The following ZNF808 variants were observed in gnomAD, a reference collection of about 807,000 sequenced individuals.
The protein encoded by ZNF808 is zinc finger protein 808.
In ZNF808, 5 loss-of-function variants were observed where a neutral mutation model predicts 8.7. That is an observed-to-expected ratio of 0.58 (90% CI 0.30 to 1.21). ZNF808 has a LOEUF of 1.21. Among genes scored for constraint, ZNF808 ranks in the 50% most tolerant of loss-of-function variants. ZNF808 has a pLI of 0.07. For missense variants in ZNF808, 1,103 were observed against 1,098.4 expected (o/e 1.00, Z -0.06); for synonymous variants, 380 against 366.0 (o/e 1.04, Z -0.44).
chr19:52,530,077 T>G (rs1046868096), intron 1 of ZNF808, among the ~76,000 whole-genome samples: 3 of 151,826 alleles, frequency 2.0e-5, no homozygotes, highest in Admixed American at 2.0e-4. Context: ...CCCTTTTTTT[T>G]GAGAGGGAGT....
chr19:52,528,947 G>C (rs541219347), intron 1 of ZNF808, among the ~76,000 whole-genome samples: 43 of 151,360 alleles, frequency 2.8e-4, no homozygotes, highest in African/African-American at 1.0e-3. Flanking sequence ...GGGAAGAAGG[G>C]GGATAAACAG....
chr19:52,543,206 T>C (rs371164941), intron 2 of ZNF808, 60 bp from the exon 3 acceptor site: 1 of 1,556,900 alleles, frequency 6.4e-7, no homozygotes, highest in East Asian at 2.2e-5. Flanking sequence ...TCATGTGGTT[T>C]TGTCACAGGA....
rs753782748 is a variant in ZNF808, at chr19:52,555,223, C to T, written c.2307C>T (p.Gly769=). 4 of 1,613,692 alleles carry T rather than the reference C, an allele frequency of 2.5e-6. No individual in the cohort carries two copies. Among genetic ancestry groups the T allele is most frequent in the Non-Finnish European group, 3.4e-6 (4 of 1,179,976 alleles). Residue 769 remains glycine, a synonymous_variant, in exon 5 of 5, where the codon GGC becomes GGT. Transcript: ENST00000359798. ...AACCTTACAAGTGTAACGACTGTGG[C>T]AATACCTTCCGTCACTGGTCATCCC... ...GEKPYKCNDC[G]NTFRHWSSLV...
rs1273097843 is a variant in ZNF808, at chr19:52,553,488, C to T, written c.572C>T (p.Ser191Leu). The T allele has an allele frequency of 6.2e-7, 1 of 1,614,172 alleles. No homozygotes were observed. Among genetic ancestry groups the T allele is most frequent in the South Asian group, 1.1e-5 (1 of 91,080 alleles). The change falls in exon 5 of 5, where the codon TCA becomes TTA. Residue 191 changes from serine (S) to leucine (L), a missense_variant. Physicochemically the swap from Ser to Leu is moderately radical, Grantham distance 145. Coordinates refer to ENST00000359798, the MANE Select transcript of ZNF808 (RefSeq NM_001039886.4). ...TCTACCAGTGATGCTTCCTCAGTTT[C>T]AACATCCCAAAGAATTTCCTGTAGG... ...EKSTSDASSV[S>L]TSQRISCRPQ...
At chr19:52,566,968 T>TTTC, downstream of ZNF808, among the ~76,000 whole-genome samples, 1 of 151,862 alleles carries the variant, frequency 6.6e-6, no homozygotes, top group Non-Finnish European at 1.5e-5. Context: ...TTTTTTTTTT[T>TTTC]TTGATGGAGC....
At position 52,554,667 on chromosome 19, in the gene ZNF808, G is replaced by A. The variant is rs756778914; in HGVS notation, c.1751G>A (p.Arg584His). ...KAFNQQSHLS[R>H]HRRLHTGEKP... ...TTTAATCAACAATCACATCTTTCAC[G>A]TCATCGTAGACTTCATACTGGAGAG... Residue 584 changes from arginine (R) to histidine (H), a missense_variant, in exon 5 of 5, where the codon CGT becomes CAT. Coordinates refer to ENST00000359798, the MANE Select transcript of ZNF808 (RefSeq NM_001039886.4). 32 of 1,613,886 alleles carry A rather than the reference G, an allele frequency of 2.0e-5. No homozygotes were observed. The highest frequency in any genetic ancestry group is 2.6e-5 in the Non-Finnish European group (31 of 1,180,000).
chr19:52,564,857 C>T (rs1240320771), downstream of ZNF808, among the ~76,000 whole-genome samples: 10 of 151,994 alleles, frequency 6.6e-5, no homozygotes, highest in East Asian at 3.9e-4. Context: ...GAGGCCGAGG[C>T]GGGCGGATCA....
chr19:52,545,708 G>A (rs975862594), intron 3 of ZNF808, among the ~76,000 whole-genome samples: 2 of 151,964 alleles, frequency 1.3e-5, no homozygotes, highest in African/African-American at 4.8e-5. Context: ...AACCTGGGTG[G>A]CACAGGTTGC....
chr19:52,564,387 G>A, exon 4 of ZNF808: 1 of 418,206 alleles, frequency 2.4e-6, no homozygotes, highest in Non-Finnish European at 4.3e-6. Flanking sequence ...CATTGGTTGG[G>A]TGGGTTCAGT....
At chr19:52,535,297 C>T (rs1320871099) in intron 2 of ZNF808, among the ~76,000 whole-genome samples, 1 of 141,318 alleles carries the variant, frequency 7.1e-6, no homozygotes, top group Admixed American at 7.4e-5. Context: ...TGCCACTGCA[C>T]TCCAGCCTGG....
chr19:52,555,143 A>G lies in ZNF808; in HGVS notation c.2227A>G (p.Thr743Ala). The change falls in exon 5 of 5, where the codon ACG becomes GCG. Residue 743 changes from threonine to alanine, a missense_variant. Transcript: ENST00000359798. ...KPYKCSECSKTFSQKATLLCH... is the reference protein window; with the variant it reads ...KPYKCSECSKAFSQKATLLCH... ...TTACAAGTGTAGTGAGTGCAGCAAG[A>G]CGTTCAGTCAGAAGGCAACCCTTCT... The G allele has an allele frequency of 6.2e-7, 1 of 1,613,542 alleles. No individual in the cohort carries two copies. Among genetic ancestry groups the G allele is most frequent in the South Asian group, 1.1e-5 (1 of 91,072 alleles).
At chr19:52,541,000 G>A (rs2059664503) in intron 2 of ZNF808, among the ~76,000 whole-genome samples, 1 of 152,122 alleles carries the variant, frequency 6.6e-6, no homozygotes, top group Non-Finnish European at 1.5e-5. Flanking sequence ...CACCCAGGCT[G>A]GAGTGCAGTG....
chr19:52,550,026 G>A (rs1028073505), intron 4 of ZNF808, among the ~76,000 whole-genome samples: 1 of 151,988 alleles, frequency 6.6e-6, no homozygotes, highest in African/African-American at 2.4e-5. Flanking sequence ...ACTTCTATCT[G>A]TTCTCCTTGT....
rs752306821 is a variant in ZNF808, at chr19:52,553,122, A to G, written c.206A>G (p.His69Arg). Residue 69 changes from histidine to arginine, a missense_variant, in exon 5 of 5, where the codon CAC becomes CGC. Transcript: ENST00000359798. ...NLEAVDISSKHMMKEVLSTGQ... is the reference protein window; with the variant it reads ...NLEAVDISSKRMMKEVLSTGQ... Reference sequence around the variant, plus strand: ...TATTTTGTAGATATCTCTTCCAAACACATGATGAAGGAGGTCTTGTCAACA... The same window carrying G: ...TATTTTGTAGATATCTCTTCCAAACGCATGATGAAGGAGGTCTTGTCAACA... 2.8e-5 allele frequency: 44 copies of G among 1,559,898 alleles called. No homozygotes were observed. The highest frequency in any genetic ancestry group is 1.7e-4 in the Middle Eastern group (1 of 5,794).
chr19:52,534,786 G>T (rs978356788), intron 2 of ZNF808, among the ~76,000 whole-genome samples: 1 of 152,070 alleles, frequency 6.6e-6, no homozygotes, highest in Non-Finnish European at 1.5e-5. Flanking sequence ...CTACTCGAAA[G>T]GCTGAGGCAG....
At chr19:52,541,334 T>C (rs2059668635) in intron 2 of ZNF808, among the ~76,000 whole-genome samples, 1 of 151,906 alleles carries the variant, frequency 6.6e-6, no homozygotes, top group Admixed American at 6.6e-5. Flanking sequence ...CATGTAGATA[T>C]CTAGTTAGGT....
rs1284715404 is a variant in ZNF808, at chr19:52,555,150, G to A, written c.2234G>A (p.Ser745Asn). 3.1e-6 allele frequency: 5 copies of A among 1,613,614 alleles called. No individual in the cohort carries two copies. The South Asian group carries it at 5.5e-5, about 18-fold the overall frequency. ...TGTAGTGAGTGCAGCAAGACGTTCA[G>A]TCAGAAGGCAACCCTTCTATGCCAT... ...YKCSECSKTF[S>N]QKATLLCHRR... is the part of the protein sequence containing the mutation. Residue 745 changes from serine to asparagine, a missense_variant, in exon 5 of 5, where the codon AGT becomes AAT. Ser to Asn is a conservative substitution (Grantham distance 46). Transcript: ENST00000359798.
chr19:52,551,759 T>C (rs1402128062), intron 4 of ZNF808, among the ~76,000 whole-genome samples: 1 of 151,962 alleles, frequency 6.6e-6, no homozygotes, highest in African/African-American at 2.4e-5. Context: ...TCCCAGAAAT[T>C]TGGGAGGTCA....
chr19:52,554,281 C>T lies in ZNF808; in HGVS notation c.1365C>T (p.Tyr455=), dbSNP rs1298661343. The change falls in exon 5 of 5, where the codon TAC becomes TAT. Residue 455 remains tyrosine, a synonymous_variant. Transcript: ENST00000359798. ...GAATTCATACTGGAGAGAAACCATACAAATGTAAGGTTTGTGATACAGCTT... is the reference window on the plus strand; with the variant it reads ...GAATTCATACTGGAGAGAAACCATATAAATGTAAGGTTTGTGATACAGCTT... ...HKRIHTGEKP[Y]KCKVCDTAFT... 6.2e-7 allele frequency: 1 copy of T among 1,614,106 alleles called. No homozygotes were observed. Among genetic ancestry groups the T allele is most frequent in the South Asian group, 1.1e-5 (1 of 91,080 alleles).
Sources: allele counts gnomAD v4.1 joint callset (sites outside exome capture counted in the v4.1 genomes callset), GRCh38; gene constraint gnomAD v4.1.1; transcripts MANE v1.5; gene names NCBI Gene and HGNC (gene_info 2026-07-23, HGNC 2026-07-21).